KCND2: variants seen among roughly 807,000 people sequenced by gnomAD.
KCND2 encodes potassium voltage-gated channel subfamily D member 2.
Under a neutral mutation model 54.4 loss-of-function variants are expected in KCND2, and 16 were observed. That is an observed-to-expected ratio of 0.29 (90% CI 0.20 to 0.45). The LOEUF is 0.45. Ranked by LOEUF, KCND2 falls within the 20% of genes least tolerant of loss-of-function variation. The pLI, the probability that KCND2 is intolerant of heterozygous loss-of-function variation, is 1.00. For synonymous variants in KCND2, 317 were observed against 310.7 expected (o/e 1.02, Z -0.21); for missense variants, 486 against 824.2 (o/e 0.59, Z 5.02).
chr7:120,372,937 A>T (rs1455744522), intron 1 of KCND2, among the ~76,000 whole-genome samples: 1 of 151,886 alleles, frequency 6.6e-6, no homozygotes, highest in Non-Finnish European at 1.5e-5. Context: ...TTAGTCTGTG[A>T]ATTGAATTTC....
chr7:120,371,465 C>G (rs1800764445), intron 1 of KCND2, among the ~76,000 whole-genome samples: 1 of 151,994 alleles, frequency 6.6e-6, no homozygotes, highest in African/African-American at 2.4e-5. Context: ...GCAGAGAACC[C>G]TTGTGAGGAA....
intron 1 of KCND2, among the ~76,000 whole-genome samples, chr7:120,374,413 C>G (rs79898811): frequency 0.015 from 2,255 of 151,764 alleles, 53 homozygotes; most frequent in African/African-American, 0.047. Context: ...CCCACTCCCC[C>G]AACCCCCGAA....
At chr7:120,309,900 T>C (rs1472284009) in intron 1 of KCND2, among the ~76,000 whole-genome samples, 2 of 152,194 alleles carry the variant, frequency 1.3e-5, no homozygotes, top group South Asian at 2.1e-4. Context: ...TGGGCCAAAG[T>C]CTGTCATAAT....
intron 1 of KCND2, among the ~76,000 whole-genome samples, chr7:120,501,377 A>G (rs1341632318): frequency 6.6e-6 from 1 of 152,130 alleles, no homozygotes; most frequent in Non-Finnish European, 1.5e-5. Context: ...CGTAGAAGAG[A>G]ATAACTGCAT....
intron 1 of KCND2, among the ~76,000 whole-genome samples, chr7:120,628,729 C>T (rs76291156): frequency 1.5e-3 from 222 of 152,264 alleles, no homozygotes; most frequent in Non-Finnish European, 1.9e-3. Context: ...GATCCTATTC[C>T]TTAAGCCCAA....
At chr7:120,553,447 T>A (rs1382425107) in intron 1 of KCND2, among the ~76,000 whole-genome samples, 1 of 152,242 alleles carries the variant, frequency 6.6e-6, no homozygotes, top group African/African-American at 2.4e-5. Flanking sequence ...ACTTAGTTGT[T>A]TCCAAAATCT....
intron 1 of KCND2, among the ~76,000 whole-genome samples, chr7:120,330,471 CT>C (rs1247394048): frequency 6.9e-6 from 1 of 144,952 alleles, no homozygotes; most frequent in Admixed American, 7.3e-5. Context: ...ATCCCAGCTA[CT>C]TGGGAGGCTG....
At chr7:120,348,071 A>C (rs914457996) in intron 1 of KCND2, among the ~76,000 whole-genome samples, 1 of 152,176 alleles carries the variant, frequency 6.6e-6, no homozygotes, top group African/African-American at 2.4e-5. Flanking sequence ...TGCACCATCT[A>C]ATACCATCAC....
intron 1 of KCND2, among the ~76,000 whole-genome samples, chr7:120,298,086 T>G (rs1409987906): frequency 4.6e-5 from 7 of 152,184 alleles, no homozygotes; most frequent in Non-Finnish European, 7.4e-5. Context: ...TCTATGTGGC[T>G]AATAGCTGCT....
chr7:120,431,306 A>T (rs1308926710), intron 1 of KCND2, among the ~76,000 whole-genome samples: 5 of 152,250 alleles, frequency 3.3e-5, no homozygotes, highest in African/African-American at 1.2e-4. Context: ...TGAGCAAAAC[A>T]AATGCAGCCC....
At chr7:120,735,323 G>A (rs908325738) in intron 2 of KCND2, among the ~76,000 whole-genome samples, 2 of 151,932 alleles carry the variant, frequency 1.3e-5, no homozygotes, top group East Asian at 3.9e-4. Flanking sequence ...CACTCATGAC[G>A]CTGCCCATAC....
chr7:120,372,331 G>A (rs736612), intron 1 of KCND2, among the ~76,000 whole-genome samples: 2 of 151,420 alleles, frequency 1.3e-5, no homozygotes, highest in Admixed American at 1.3e-4. Flanking sequence ...ATCTAGAAGT[G>A]GTATAAATCA....
intron 1 of KCND2, among the ~76,000 whole-genome samples, chr7:120,503,758 G>A (rs553297465): frequency 6.6e-6 from 1 of 152,014 alleles, no homozygotes; most frequent in Non-Finnish European, 1.5e-5. Flanking sequence ...CACGTCAGTA[G>A]GTCTACTTTA....
chr7:120,578,916 TCACACACACACA>T (rs111758455), intron 1 of KCND2, among the ~76,000 whole-genome samples: 3 of 146,772 alleles, frequency 2.0e-5, no homozygotes, highest in Non-Finnish European at 4.5e-5. Flanking sequence ...AGACCCTGTC[TCACACACACACA>T]CACACACACA....
At chr7:120,529,470 T>C (rs966050160) in intron 1 of KCND2, among the ~76,000 whole-genome samples, 9 of 152,180 alleles carry the variant, frequency 5.9e-5, no homozygotes, top group African/African-American at 2.2e-4. Context: ...ATTTCAACTA[T>C]GTCAGTAAAA....
intron 1 of KCND2, among the ~76,000 whole-genome samples, chr7:120,605,146 A>T (rs2116478318): frequency 6.6e-6 from 1 of 152,350 alleles, no homozygotes; most frequent in East Asian, 1.9e-4. Context: ...ACAGTTGCAC[A>T]ACCATGACCA....
At chr7:120,427,638 T>C (rs1291429267) in intron 1 of KCND2, among the ~76,000 whole-genome samples, 1 of 152,162 alleles carries the variant, frequency 6.6e-6, no homozygotes, top group Non-Finnish European at 1.5e-5. Context: ...TTTAAGAATA[T>C]GAAAACATGA....
chr7:120,399,312 T>C (rs1801205625), intron 1 of KCND2, among the ~76,000 whole-genome samples: 1 of 151,942 alleles, frequency 6.6e-6, no homozygotes, highest in African/African-American at 2.4e-5. Flanking sequence ...GATCAGACTC[T>C]GTCATCAGAG....
At chr7:120,610,329 G>A (rs762617754) in intron 1 of KCND2, among the ~76,000 whole-genome samples, 2 of 152,180 alleles carry the variant, frequency 1.3e-5, no homozygotes, top group African/African-American at 4.8e-5. Flanking sequence ...TGAAATGATC[G>A]TTGAAACATT....
Sources: allele counts gnomAD v4.1 joint callset (sites outside exome capture counted in the v4.1 genomes callset), GRCh38; gene constraint gnomAD v4.1.1; transcripts MANE v1.5; gene names NCBI Gene and HGNC (gene_info 2026-07-23, HGNC 2026-07-21).